The following CLDN10 variants were observed in gnomAD, a reference collection of about 807,000 sequenced individuals.
CLDN10 encodes the protein claudin-10.
CLDN10 carries 15 observed loss-of-function variants against 22.9 expected under a neutral mutation model. The ratio of observed to expected loss-of-function variants is 0.65; its 90% CI spans 0.44 to 1.01. CLDN10 has a LOEUF of 1.01. CLDN10 is among the 50% of genes least tolerant of loss of function. The probability of loss-of-function intolerance (pLI) is 0.00; values close to 1 mark genes in which losing one functional copy is unlikely to be tolerated. For missense variants in CLDN10, 247 were observed against 287.8 expected, an observed-to-expected ratio of 0.86 and a Z score of 1.03; for synonymous variants, 114 against 111.4, an observed-to-expected ratio of 1.02 and a Z score of -0.15.
At chr13:95,437,751 G>A (rs531167235) in intron 1 of CLDN10, among the ~76,000 whole-genome samples, 17 of 152,282 alleles carry the variant, frequency 1.1e-4, no homozygotes, top group South Asian at 6.2e-4. Context: ...GGAAATGAGC[G>A]CAGGCAACCC....
chr13:95,468,907 C>T (rs1566285663), intron 1 of CLDN10, among the ~76,000 whole-genome samples: 1 of 152,086 alleles, frequency 6.6e-6, no homozygotes, highest in African/African-American at 2.4e-5. Flanking sequence ...TTTTATTTAA[C>T]TTCTTTGATT....
rs191013240 is a variant in CLDN10, at chr13:95,546,747, C to A, written c.215-13385C>A. Among the ~76,000 whole-genome samples, 114 of 152,286 alleles carry A rather than the reference C, an allele frequency of 7.5e-4. 1 individual carries two copies. The highest frequency in any genetic ancestry group is 2.6e-3 in the African/African-American group (109 of 41,562). ...AGACACTAGACTGTATTGCTTCCCA[C>A]TCCTTACACCTAGTCATTGAGAAAA... On this transcript the variant is annotated intron_variant, in intron 1 of 4. Transcript: ENST00000376873.
chr13:95,561,927 T>C (rs1278833926), intron 3 of CLDN10, among the ~76,000 whole-genome samples: 2 of 149,750 alleles, frequency 1.3e-5, no homozygotes, highest in Admixed American at 1.3e-4. Context: ...CACAACCAGA[T>C]AATTTTTTTT....
intron 1 of CLDN10, among the ~76,000 whole-genome samples, chr13:95,449,710 T>G (rs955440045): frequency 2.0e-5 from 3 of 151,520 alleles, no homozygotes; most frequent in Admixed American, 6.6e-5. Flanking sequence ...GGACTATAGG[T>G]GCACACCACC....
intron 2 of CLDN10, 36 bp downstream of exon 2, chr13:95,560,329 T>A: frequency 5.6e-6 from 9 of 1,613,608 alleles, no homozygotes; most frequent in Non-Finnish European, 7.6e-6. Flanking sequence ...AGGTACTTGA[T>A]GATGTTAATG....
chr13:95,518,525 G>A (rs1432683683), intron 1 of CLDN10, among the ~76,000 whole-genome samples: 4 of 152,182 alleles, frequency 2.6e-5, no homozygotes, highest in African/African-American at 9.7e-5. Flanking sequence ...GGAGGTGGAG[G>A]AAGGTGGATT....
At chr13:95,497,972 A>G (rs1276659414) in intron 1 of CLDN10, among the ~76,000 whole-genome samples, 2 of 152,224 alleles carry the variant, frequency 1.3e-5, no homozygotes, top group Non-Finnish European at 2.9e-5. Context: ...AAACACAACA[A>G]AAAGAGAAAC....
At chr13:95,529,367 T>C (rs974255973) in intron 1 of CLDN10, among the ~76,000 whole-genome samples, 1 of 138,516 alleles carries the variant, frequency 7.2e-6, no homozygotes, top group Middle Eastern at 3.3e-3. Flanking sequence ...TTCTAACTAA[T>C]TAAAGTGAAT....
At chr13:95,497,392 A>G (rs2042940466) in intron 1 of CLDN10, among the ~76,000 whole-genome samples, 1 of 152,182 alleles carries the variant, frequency 6.6e-6, no homozygotes, top group Admixed American at 6.5e-5. Context: ...AATCAGAAGC[A>G]GTGTGGCTGG....
At chr13:95,486,926 T>G (rs2042811170) in intron 1 of CLDN10, among the ~76,000 whole-genome samples, 1 of 152,114 alleles carries the variant, frequency 6.6e-6, no homozygotes, top group South Asian at 2.1e-4. Flanking sequence ...GAAATAAGGT[T>G]TTTGGTGGAG....
chr13:95,445,566 T>C (rs1222409120), intron 1 of CLDN10, among the ~76,000 whole-genome samples: 1 of 152,228 alleles, frequency 6.6e-6, no homozygotes, highest in Non-Finnish European at 1.5e-5. Flanking sequence ...CAAGGATTTC[T>C]GCCAGGAAAC....
upstream of CLDN10, among the ~76,000 whole-genome samples, chr13:95,552,005 C>T (rs1446212528): frequency 1.3e-5 from 2 of 152,168 alleles, no homozygotes; most frequent in African/African-American, 4.8e-5. Context: ...GAACAAATGC[C>T]CTCTGCGTAG....
In CLDN10 at chr13:95,490,544, G is replaced by A. The variant is rs568622722; in HGVS notation, c.214+56497G>A. Among the ~76,000 whole-genome samples the A allele has an allele frequency of 7.2e-5, 11 of 152,286 alleles. No homozygotes were observed. In the South Asian group the frequency reaches 1.2e-3, roughly 17 times the overall value. Reference sequence around the variant, plus strand: ...TTGACCCAGTGCTCATTCAGGAGCAGATTACTTAATTTCCATGTATTTGCA... The same window carrying A: ...TTGACCCAGTGCTCATTCAGGAGCAAATTACTTAATTTCCATGTATTTGCA... On this transcript the variant is annotated intron_variant, in intron 1 of 4. Coordinates refer to the CLDN10 transcript ENST00000376873.
intron 1 of CLDN10, among the ~76,000 whole-genome samples, chr13:95,468,875 A>G (rs962325817): frequency 6.6e-6 from 1 of 152,168 alleles, no homozygotes; most frequent in African/African-American, 2.4e-5. Flanking sequence ...AATATTTCCA[A>G]TTCAAACTTA....
chr13:95,434,515 G>GTGTGTGTATATATATGCACACA (rs1275986663), intron 1 of CLDN10, among the ~76,000 whole-genome samples: 3 of 121,032 alleles, frequency 2.5e-5, no homozygotes, highest in African/African-American at 1.3e-4. Context: ...ATCTATATGT[G>GTGTGTGTATATATATGCACACA]TGTGTGTATA....
At chr13:95,552,554 G>A (rs2277421), upstream of CLDN10, 19,974 of 249,818 alleles carry the variant, frequency 0.08, 937 homozygotes, top group East Asian at 0.25. Context: ...GGGCGACCGC[G>A]AGCCCTCTGA....
chr13:95,562,478 C>T (rs2043728050), intron 3 of CLDN10, among the ~76,000 whole-genome samples: 1 of 151,934 alleles, frequency 6.6e-6, no homozygotes, highest in Non-Finnish European at 1.5e-5. Context: ...CTTTTTTATC[C>T]CCTGCCTATA....
chr13:95,523,434 T>G (rs1185085876), intron 1 of CLDN10, among the ~76,000 whole-genome samples: 2 of 152,234 alleles, frequency 1.3e-5, no homozygotes, highest in Admixed American at 6.5e-5. Flanking sequence ...TTAAGTTTAC[T>G]CACACATTTG....
chr13:95,457,755 C>G (rs1177992555), intron 1 of CLDN10, among the ~76,000 whole-genome samples: 1 of 152,054 alleles, frequency 6.6e-6, no homozygotes, highest in Non-Finnish European at 1.5e-5. Flanking sequence ...TGGTTTCTGC[C>G]CTTTTTCTAG....
Sources: gnomAD v4.1 joint callset for allele counts (sites outside exome capture counted in the v4.1 genomes callset) on GRCh38, gnomAD v4.1.1 for gene constraint, MANE v1.5 for transcripts, NCBI Gene and HGNC (gene_info 2026-07-23, HGNC 2026-07-21) for gene names.